The following SKI variants were observed in gnomAD, a reference collection of about 807,000 sequenced individuals.
The protein encoded by SKI is ski oncogene.
Under a neutral mutation model 59.3 loss-of-function variants are expected in SKI, and 23 were observed. That is an observed-to-expected ratio of 0.39 (90% CI 0.28 to 0.55). SKI has a LOEUF of 0.55. SKI is among the 20% of genes least tolerant of loss of function. The pLI is 0.67. For synonymous variants in SKI, 673 were observed against 488.6 expected (o/e 1.38, Z -4.98); for missense variants, 1,017 against 1,038.9 (o/e 0.98, Z 0.29).
At chr1:2,275,464 G>A (rs1423221637) in intron 1 of SKI, among the ~76,000 whole-genome samples, 2 of 152,336 alleles carry the variant, frequency 1.3e-5, no homozygotes, top group African/African-American at 4.8e-5. Flanking sequence ...GAGACCCCGA[G>A]CCCTGGGGCA....
chr1:2,299,257 G>T (rs1214958182), intron 1 of SKI, among the ~76,000 whole-genome samples: 3 of 152,354 alleles, frequency 2.0e-5, no homozygotes, highest in East Asian at 3.9e-4. Context: ...TCGGGGAGGG[G>T]GGGGGCCACA....
intron 1 of SKI, among the ~76,000 whole-genome samples, chr1:2,231,958 C>T (rs1456771389): frequency 6.6e-6 from 1 of 152,246 alleles, no homozygotes; most frequent in Non-Finnish European, 1.5e-5. Context: ...CCTTAAGTCT[C>T]CTCAGGACAG....
At position 2,240,678 on chromosome 1, in the gene SKI, T is replaced by C. The variant is rs1638851473; in HGVS notation, c.969+10943T>C. On this transcript the variant is annotated intron_variant, in intron 1 of 6. Coordinates refer to ENST00000378536, the MANE Select transcript of SKI (RefSeq NM_003036.4). Reference sequence around the variant, plus strand: ...TGGAATTCTTCGAAGTGAAGCTCTCTCTACTTGTTCGGAGGATGGAGGACA... The same window carrying C: ...TGGAATTCTTCGAAGTGAAGCTCTCCCTACTTGTTCGGAGGATGGAGGACA... The C allele has an allele frequency of 4.1e-6, 4 of 985,308 alleles. No homozygotes were observed. In the African/African-American group the frequency reaches 7.0e-5, roughly 17 times the overall value. 61.0% of individuals were successfully genotyped at this position (985,308 alleles called of 1,614,324 possible). A position where few individuals can be genotyped will look rare whatever the true frequency, so the allele number is the denominator to read the frequency against.
intron 1 of SKI, among the ~76,000 whole-genome samples, chr1:2,237,475 A>G (rs1327727097): frequency 6.6e-6 from 1 of 152,122 alleles, no homozygotes; most frequent in East Asian, 1.9e-4. Context: ...TCTGCCCAGG[A>G]GTGAACCTGT....
chr1:2,296,641 C>G (rs911256934), intron 1 of SKI, among the ~76,000 whole-genome samples: 5 of 152,134 alleles, frequency 3.3e-5, no homozygotes, highest in Non-Finnish European at 7.4e-5. Context: ...TTACCAGCTA[C>G]CGGGTTTGCA....
At chr1:2,306,506 G>A in intron 6 of SKI, 71 bp from the exon 7 acceptor site, 1 of 1,462,878 alleles carries the variant, frequency 6.8e-7, no homozygotes, top group Non-Finnish European at 9.2e-7. Flanking sequence ...AGGAGCCTCG[G>A]GTGGGGGAAG....
intron 1 of SKI, among the ~76,000 whole-genome samples, chr1:2,299,143 C>T (rs1226453349): frequency 4.6e-5 from 7 of 152,258 alleles, no homozygotes; most frequent in African/African-American, 1.4e-4. Context: ...GCCGAGTGGC[C>T]AGCAGGGCGG....
rs1233566903 is a variant in SKI, at chr1:2,228,889, C to G, written c.123C>G (p.Arg41=). The G allele has an allele frequency of 1.2e-5, 17 of 1,426,488 alleles. No individual in the cohort carries two copies. Among genetic ancestry groups the G allele is most frequent in the Non-Finnish European group, 1.5e-5 (16 of 1,085,972 alleles). The allele number at this position is 1,426,488 out of a possible 1,614,324, so 88.4% of individuals were successfully genotyped here. The change falls in exon 1 of 7, where the codon CGC becomes CGG. Residue 41 remains arginine, a synonymous_variant. Transcript: ENST00000378536. The part of the protein sequence containing the change: ...SLGGPAAFSA[R]WAQEAYKKES... ...GCGGCCCGGCCGCTTTCTCGGCGCG[C>G]TGGGCGCAGGAGGCCTACAAGAAGG...
At chr1:2,257,028 G>A (rs1310609477) in intron 1 of SKI, among the ~76,000 whole-genome samples, 3 of 152,186 alleles carry the variant, frequency 2.0e-5, no homozygotes, top group Non-Finnish European at 4.4e-5. Flanking sequence ...GTTCCCTTGT[G>A]GCTCAGGATT....
At chr1:2,284,748 G>A (rs150978053) in intron 1 of SKI, among the ~76,000 whole-genome samples, 1 of 152,210 alleles carries the variant, frequency 6.6e-6, no homozygotes, top group African/African-American at 2.4e-5. Flanking sequence ...GAAGAGTCAG[G>A]GAGGGGTGGA....
intron 1 of SKI, among the ~76,000 whole-genome samples, chr1:2,257,111 C>T (rs986830392): frequency 7.9e-4 from 120 of 152,314 alleles, no homozygotes; most frequent in African/African-American, 2.7e-3. Context: ...ATTTCATTTT[C>T]GTTTCTAAGA....
chr1:2,306,283 C>CGGTGGGCGTGG (rs1640574899), intron 6 of SKI, 33 bp downstream of exon 6: 1 of 1,512,350 alleles, frequency 6.6e-7, no homozygotes, highest in Non-Finnish European at 8.9e-7. Context: ...GCACGCAGCA[C>CGGTGGGCGTGG]GGTGGGCGTG....
intron 1 of SKI, among the ~76,000 whole-genome samples, chr1:2,250,218 T>C (rs1021334890): frequency 1.3e-5 from 2 of 152,158 alleles, no homozygotes; most frequent in African/African-American, 4.8e-5. Context: ...GGCCACCTGT[T>C]TTAAGGAAAC....
chr1:2,282,453 G>T lies in SKI; in HGVS notation c.970-20525G>T, dbSNP rs568430334. On this transcript the variant is annotated intron_variant, in intron 1 of 6. Coordinates refer to ENST00000378536, the MANE Select transcript of SKI (RefSeq NM_003036.4). ...AGACAGGCGGTGGCGGAGATCTTCA[G>T]AGAGAGGACGCCTGAGAAGACAGGC... Among the ~76,000 whole-genome samples the T allele has an allele frequency of 1.1e-3, 120 of 112,294 alleles. 7 individuals carry two copies. Among genetic ancestry groups the T allele is most frequent in the African/African-American group, 3.8e-3 (111 of 29,314 alleles). 73.7% of individuals were successfully genotyped at this position (112,294 alleles called of 152,430 possible). A position where few individuals can be genotyped will look rare whatever the true frequency, so the allele number is the denominator to read the frequency against.
chr1:2,250,599 C>G (rs1373887375), intron 1 of SKI, among the ~76,000 whole-genome samples: 1 of 152,244 alleles, frequency 6.6e-6, no homozygotes, highest in African/African-American at 2.4e-5. Context: ...TTTTGCCGGT[C>G]ATTTGAGAGA....
rs1168343347 is a variant in SKI, at chr1:2,258,351, G to A, written c.969+28616G>A. Among the ~76,000 whole-genome samples, 4 of 152,220 alleles carry A rather than the reference G, an allele frequency of 2.6e-5. No homozygotes were observed. In the South Asian group the frequency reaches 8.3e-4, roughly 32 times the overall value. ...CTATTCTAGATGCCGAGGCCGAATC[G>A]CCCCCTAGGGAGGATGGGACAGTGG... On this transcript the variant is annotated intron_variant, in intron 1 of 6. Transcript: ENST00000378536.
intron 1 of SKI, among the ~76,000 whole-genome samples, chr1:2,256,946 T>C (rs1639286675): frequency 6.6e-6 from 1 of 152,210 alleles, no homozygotes; most frequent in Non-Finnish European, 1.5e-5. Context: ...TGGCATCTTC[T>C]GCTCGGTGCT....
chr1:2,231,681 T>A (rs1011632718), intron 1 of SKI, among the ~76,000 whole-genome samples: 10 of 152,208 alleles, frequency 6.6e-5, no homozygotes, highest in South Asian at 2.1e-4. Context: ...ACGTGCACGG[T>A]GTGAGTGACT....
intron 1 of SKI, among the ~76,000 whole-genome samples, chr1:2,248,734 C>T (rs1487611568): frequency 6.6e-6 from 1 of 152,242 alleles, no homozygotes; most frequent in Non-Finnish European, 1.5e-5. Flanking sequence ...CTTTCCTTCT[C>T]ACGTCTTCTC....
Sources: gnomAD v4.1 joint callset for allele counts (sites outside exome capture counted in the v4.1 genomes callset) on GRCh38, gnomAD v4.1.1 for gene constraint, MANE v1.5 for transcripts, NCBI Gene and HGNC (gene_info 2026-07-23, HGNC 2026-07-21) for gene names.